LIMS1: variants seen among roughly 807,000 people sequenced by gnomAD.
The protein encoded by LIMS1 is LIM zinc finger domain containing 1, also known as LIM and senescent cell antigen-like-containing domain protein 1.
Under a neutral mutation model 44.1 loss-of-function variants are expected in LIMS1, and 18 were observed. The observed-to-expected ratio is 0.41, with a 90% CI of 0.28 to 0.61. The LOEUF (loss-of-function observed/expected upper bound fraction) is 0.61. Ranked by LOEUF, LIMS1 falls within the 20% of genes least tolerant of loss-of-function variation. The pLI, the probability that LIMS1 is intolerant of heterozygous loss-of-function variation, is 0.32. For missense variants in LIMS1, 201 were observed against 422.0 expected (o/e 0.48, Z 4.59); for synonymous variants, 93 against 149.1 (o/e 0.62, Z 2.74).
intron 1 of LIMS1, among the ~76,000 whole-genome samples, chr2:108,603,267 C>T (rs1326095560): frequency 6.6e-6 from 1 of 152,068 alleles, no homozygotes; most frequent in East Asian, 1.9e-4. Flanking sequence ...AGGTCCTGGC[C>T]TTTTCTTTAC....
intron 1 of LIMS1, among the ~76,000 whole-genome samples, chr2:108,626,570 C>T (rs80017375): frequency 0.026 from 3,920 of 152,230 alleles, 125 homozygotes; most frequent in South Asian, 0.14. Flanking sequence ...TTCTTCAAGG[C>T]AAGAGACTTT....
chr2:108,582,572 C>T (rs1392192212), intron 1 of LIMS1, among the ~76,000 whole-genome samples: 1 of 152,052 alleles, frequency 6.6e-6, no homozygotes, highest in Non-Finnish European at 1.5e-5. Flanking sequence ...AGTTCGAGAC[C>T]AGCCTGGCCA....
chr2:108,551,482 C>CGT (rs1684694433), intron 1 of LIMS1, among the ~76,000 whole-genome samples: 1 of 76,758 alleles, frequency 1.3e-5, no homozygotes, highest in South Asian at 4.9e-4. Context: ...TACATATATG[C>CGT]GCGCGCGCGC....
chr2:108,573,770 G>C (rs1246181622), intron 1 of LIMS1, among the ~76,000 whole-genome samples: 2 of 152,204 alleles, frequency 1.3e-5, no homozygotes, highest in Admixed American at 1.3e-4. Context: ...GAATGAGCTA[G>C]AGAAGGGTGT....
chr2:108,681,135 CAT>C lies in LIMS1; in HGVS notation c.899+366_899+367del, dbSNP rs1472539863. ...TTTGTAAACTTTTCTATCCCTGTGT[CAT>C]CATTTTCACTGCTTTCTCCTTTGGT... On this transcript the variant is annotated intron_variant, in intron 9 of 9. Coordinates refer to ENST00000544547, the Ensembl canonical transcript of LIMS1. 7 of 1,283,626 alleles carry C rather than the reference CAT, an allele frequency of 5.5e-6. No homozygotes were observed. The African/African-American group carries it at 1.1e-4, about 20-fold the overall frequency. 79.5% of individuals were successfully genotyped at this position (1,283,626 alleles called of 1,614,324 possible). A position where few individuals can be genotyped will look rare whatever the true frequency, so the allele number is the denominator to read the frequency against.
chr2:108,681,686 C>A, intron 9 of LIMS1: 1 of 669,126 alleles, frequency 1.5e-6, no homozygotes. Context: ...TTTAGGAAGG[C>A]AGAGTGGAAG....
At chr2:108,555,045 G>A (rs1240841201) in intron 1 of LIMS1, among the ~76,000 whole-genome samples, 5 of 152,140 alleles carry the variant, frequency 3.3e-5, no homozygotes, top group African/African-American at 9.7e-5. Flanking sequence ...TCCTAATAAC[G>A]AGATGCACAT....
At chr2:108,555,926 A>G (rs1684910801) in intron 1 of LIMS1, among the ~76,000 whole-genome samples, 1 of 152,134 alleles carries the variant, frequency 6.6e-6, no homozygotes, top group Non-Finnish European at 1.5e-5. Flanking sequence ...GTAGATTGGA[A>G]ATGCTTTGAA....
At chr2:108,598,523 A>T (rs1686837856) in intron 1 of LIMS1, among the ~76,000 whole-genome samples, 2 of 152,150 alleles carry the variant, frequency 1.3e-5, no homozygotes, top group Non-Finnish European at 2.9e-5. Flanking sequence ...AGCTAGTTCG[A>T]TATTTTGCTT....
intron 1 of LIMS1, among the ~76,000 whole-genome samples, chr2:108,622,830 A>T (rs558386775): frequency 5.3e-5 from 8 of 152,198 alleles, no homozygotes; most frequent in Non-Finnish European, 7.4e-5. Context: ...TTCCTTTTTT[A>T]AAAAAATTAA....
At chr2:108,680,292 A>C (rs1692869774) in intron 8 of LIMS1, among the ~76,000 whole-genome samples, 1 of 148,000 alleles carries the variant, frequency 6.8e-6, no homozygotes. Flanking sequence ...GCTTGAACCC[A>C]GGAGGCGGAG....
At chr2:108,614,857 C>G (rs1687846357) in intron 1 of LIMS1, among the ~76,000 whole-genome samples, 2 of 152,096 alleles carry the variant, frequency 1.3e-5, no homozygotes, top group Admixed American at 1.3e-4. Context: ...TGGGGTGGGG[C>G]AGGAATTGTG....
At chr2:108,569,764 C>CCTTTTTTATTTT (rs753691810) in intron 1 of LIMS1, among the ~76,000 whole-genome samples, 1 of 113,102 alleles carries the variant, frequency 8.8e-6, no homozygotes, top group Non-Finnish European at 1.7e-5. Context: ...CCATATCTGG[C>CCTTTTTTATTTT]TTTTTTTTTT....
chr2:108,671,568 C>A (rs1692164388), intron 3 of LIMS1, among the ~76,000 whole-genome samples: 4 of 152,140 alleles, frequency 2.6e-5, no homozygotes, highest in African/African-American at 7.2e-5. Context: ...TGCACGTTGG[C>A]CACTTCACTG....
chr2:108,608,981 C>T (rs1286176313), intron 1 of LIMS1, among the ~76,000 whole-genome samples: 1 of 152,202 alleles, frequency 6.6e-6, no homozygotes, highest in Non-Finnish European at 1.5e-5. Context: ...TATATTTTAA[C>T]TTGCAGTTGG....
intron 1 of LIMS1, among the ~76,000 whole-genome samples, chr2:108,585,827 G>T (rs1270008855): frequency 6.6e-6 from 1 of 152,204 alleles, no homozygotes; most frequent in African/African-American, 2.4e-5. Flanking sequence ...GCTTTTAAGA[G>T]CTGTGACTGT....
At chr2:108,592,480 G>T in intron 1 of LIMS1, among the ~76,000 whole-genome samples, 1 of 152,184 alleles carries the variant, frequency 6.6e-6, no homozygotes, top group East Asian at 1.9e-4. Flanking sequence ...AGGGGGGTGT[G>T]TGGAGAACAG....
intron 1 of LIMS1, among the ~76,000 whole-genome samples, chr2:108,550,710 G>A (rs564144896): frequency 2.0e-5 from 3 of 151,604 alleles, no homozygotes; most frequent in East Asian, 3.9e-4. Flanking sequence ...CAGTTACTCG[G>A]GAGGTTGAGG....
intron 8 of LIMS1, among the ~76,000 whole-genome samples, chr2:108,678,918 G>C (rs546444557): frequency 6.6e-6 from 1 of 152,146 alleles, no homozygotes; most frequent in African/African-American, 2.4e-5. Flanking sequence ...TGCCACATGT[G>C]CCCAGGCCAA....
Sources: allele counts gnomAD v4.1 joint callset (sites outside exome capture counted in the v4.1 genomes callset), GRCh38; gene constraint gnomAD v4.1.1; transcripts MANE v1.5; gene names NCBI Gene and HGNC (gene_info 2026-07-23, HGNC 2026-07-21).